The following ADD1 variants were observed in gnomAD, a reference collection of about 807,000 sequenced individuals.
ADD1 encodes the protein alpha-adducin.
In ADD1, 24 loss-of-function variants were observed where a neutral mutation model predicts 80.5. That is an observed-to-expected ratio of 0.30 (90% CI 0.22 to 0.42). The LOEUF (loss-of-function observed/expected upper bound fraction) is 0.42. Among genes scored for constraint, ADD1 ranks in the 10% least tolerant of loss-of-function variants. ADD1 has a pLI of 1.00. For missense variants in ADD1, 948 were observed against 1,019.0 expected, an observed-to-expected ratio of 0.93 and a Z score of 0.95; for synonymous variants, 373 against 393.8, an observed-to-expected ratio of 0.95 and a Z score of 0.63.
chr4:2,922,878 T>C (rs1353452593), intron 14 of ADD1, among the ~76,000 whole-genome samples: 3 of 152,244 alleles, frequency 2.0e-5, no homozygotes, highest in Admixed American at 2.0e-4. Flanking sequence ...TACAGTGGCT[T>C]TGCATAGCTG....
At chr4:2,880,704 T>C (rs1732166920) in intron 2 of ADD1, among the ~76,000 whole-genome samples, 1 of 151,988 alleles carries the variant, frequency 6.6e-6, no homozygotes, top group African/African-American at 2.4e-5. Context: ...CTCGATCTCC[T>C]GACCTCGTGA....
Position 2,898,340 on chromosome 4 carries a change from C to T in ADD1, c.885+13C>T, listed in dbSNP as rs145444405. 3.0e-5 allele frequency: 49 copies of T among 1,614,190 alleles called. No homozygotes were observed. The Admixed American group carries it at 8.0e-4, about 26-fold the overall frequency. ...GCCTAAAAGCAAGGTCAGTAGGCATCTAATCTGGTATTTAAATTACAGCAG... is the reference window on the plus strand; with the variant it reads ...GCCTAAAAGCAAGGTCAGTAGGCATTTAATCTGGTATTTAAATTACAGCAG... On this transcript the variant is annotated intron_variant, in intron 7 of 15. Coordinates refer to ENST00000683351, the MANE Select transcript of ADD1 (RefSeq NM_001354761.2).
intron 13 of ADD1, 141 bp downstream of exon 13, chr4:2,909,572 A>G (rs1285891247): frequency 1.6e-6 from 1 of 639,280 alleles, no homozygotes; most frequent in Admixed American, 2.7e-5. Context: ...GAGATTGTAC[A>G]GAAGGTTCTG....
chr4:2,881,568 A>G (rs1732344877), intron 2 of ADD1: 4 of 195,512 alleles, frequency 2.0e-5, no homozygotes, highest in South Asian at 2.9e-4. Context: ...TCCTCTGTTG[A>G]TTGAAACGTA....
intron 1 of ADD1, among the ~76,000 whole-genome samples, chr4:2,849,745 C>T (rs765828964): frequency 3.3e-5 from 5 of 152,168 alleles, no homozygotes; most frequent in African/African-American, 9.7e-5. Context: ...TGCACACTGT[C>T]GCTTGAAATT....
At position 2,929,805 on chromosome 4, in the gene ADD1, C is replaced by T. The variant is rs576074733; in HGVS notation, c.*1282C>T. 8 of 152,672 alleles carry T rather than the reference C, an allele frequency of 5.2e-5. No homozygotes were observed. The highest frequency in any genetic ancestry group is 4.4e-5 in the Non-Finnish European group (3 of 68,056). 9.5% of individuals were successfully genotyped at this position (152,672 alleles called of 1,614,324 possible). A position where few individuals can be genotyped will look rare whatever the true frequency, so the allele number is the denominator to read the frequency against. On this transcript the variant is annotated 3_prime_UTR_variant, in exon 16 of 16. Coordinates refer to ENST00000683351, the MANE Select transcript of ADD1 (RefSeq NM_001354761.2). ...CCTCTGAGCCGCAGGGCCTGCTACG[C>T]GGGCAAGCGTGCTGCCTCTCTTCTG... is the stretch of plus-strand genomic sequence containing the variant.
intron 1 of ADD1, among the ~76,000 whole-genome samples, chr4:2,848,082 G>T (rs917090675): frequency 6.6e-6 from 1 of 152,080 alleles, no homozygotes; most frequent in Non-Finnish European, 1.5e-5. Flanking sequence ...AGGCTTGGTG[G>T]TGGATGCCTG....
chr4:2,881,874 CA>C (rs1205800690), intron 2 of ADD1, 23 bp from the exon 3 acceptor site: 1 of 1,577,316 alleles, frequency 6.3e-7, no homozygotes, highest in African/African-American at 1.4e-5. Context: ...AATGGTATCT[CA>C]GTGTTTTAAT....
At chr4:2,849,004 T>G (rs1318429524) in intron 1 of ADD1, among the ~76,000 whole-genome samples, 1 of 152,238 alleles carries the variant, frequency 6.6e-6, no homozygotes, top group African/African-American at 2.4e-5. Context: ...TATAGATACA[T>G]TCTCAGAAGT....
At chr4:2,853,903 C>T (rs979043621) in intron 1 of ADD1, among the ~76,000 whole-genome samples, 2 of 152,100 alleles carry the variant, frequency 1.3e-5, no homozygotes, top group African/African-American at 2.4e-5. Flanking sequence ...CGCGTCTGGC[C>T]GTTATTATGT....
intron 1 of ADD1, among the ~76,000 whole-genome samples, chr4:2,868,546 G>T (rs1271385936): frequency 6.6e-6 from 1 of 152,146 alleles, no homozygotes; most frequent in Non-Finnish European, 1.5e-5. Context: ...AGACCTCTTG[G>T]AGCCCTTTGT....
In ADD1 at chr4:2,929,621, C is replaced by A. The variant is rs1283391562; in HGVS notation, c.*1098C>A. 1 of 152,302 alleles carries A rather than the reference C, an allele frequency of 6.6e-6. No homozygotes were observed. The highest frequency in any genetic ancestry group is 2.4e-5 in the African/African-American group (1 of 41,472). 9.4% of individuals were successfully genotyped at this position (152,302 alleles called of 1,614,324 possible). A position where few individuals can be genotyped will look rare whatever the true frequency, so the allele number is the denominator to read the frequency against. On this transcript the variant is annotated 3_prime_UTR_variant, in exon 16 of 16. Coordinates refer to ENST00000683351, the MANE Select transcript of ADD1 (RefSeq NM_001354761.2). Reference sequence around the variant, plus strand: ...GTGCCGGTACCAGCCTGACTAGGTACAGGCAAGCTTGTGTGGGCCCAACAG... The same window carrying A: ...GTGCCGGTACCAGCCTGACTAGGTAAAGGCAAGCTTGTGTGGGCCCAACAG...
Position 2,860,236 on chromosome 4 carries a change from A to G in ADD1, c.-20-15660A>G, listed in dbSNP as rs16843487. ...TGTTTGTGTGAGCTTTAGTCTCCAA[A>G]TCGAGTCATCTAGAGGCAGACATAC... is the stretch of plus-strand genomic sequence containing the variant. On this transcript the variant is annotated intron_variant, in intron 1 of 15. Coordinates refer to ENST00000683351, the MANE Select transcript of ADD1 (RefSeq NM_001354761.2). 4.9e-3 allele frequency among the ~76,000 whole-genome samples: 741 copies of G among 152,294 alleles called. 20 individuals are homozygous for G. Among genetic ancestry groups the G allele is most frequent in the East Asian group, 0.047 (245 of 5,186 alleles).
chr4:2,853,398 G>C (rs993911085), intron 1 of ADD1, among the ~76,000 whole-genome samples: 1 of 151,388 alleles, frequency 6.6e-6, no homozygotes, highest in Admixed American at 6.6e-5. Flanking sequence ...TGAGCCACCG[G>C]CGTCTTTTTC....
At chr4:2,914,290 T>G (rs547549885) in intron 13 of ADD1, among the ~76,000 whole-genome samples, 1 of 152,224 alleles carries the variant, frequency 6.6e-6, no homozygotes, top group African/African-American at 2.4e-5. Context: ...CTTTTTTTCT[T>G]TGGTACAAAT....
chr4:2,898,593 ATTT>A, intron 8 of ADD1, 62 bp downstream of exon 8: 6 of 1,441,116 alleles, frequency 4.2e-6, no homozygotes, highest in Non-Finnish European at 5.9e-6. Context: ...GTTCACATAG[ATTT>A]TTTTTTGATA....
intron 1 of ADD1, among the ~76,000 whole-genome samples, chr4:2,852,189 T>TCTTTCTTTCTTTCTTTCTTTCTTTC (rs1553815101): frequency 3.9e-5 from 2 of 50,754 alleles, no homozygotes; most frequent in South Asian, 9.5e-4. Context: ...TTTCTTTCTT[T>TCTTTCTTTCTTTCTTTCTTTCTTTC]CTTTCTTTCC....
At chr4:2,927,020 TG>T (rs1424183651) in intron 15 of ADD1, among the ~76,000 whole-genome samples, 1 of 152,108 alleles carries the variant, frequency 6.6e-6, no homozygotes, top group Non-Finnish European at 1.5e-5. Context: ...TCAGACAGGG[TG>T]GGGTTCTGCC....
chr4:2,881,734 A>G, intron 2 of ADD1, 164 bp from the exon 3 acceptor site: 1 of 464,412 alleles, frequency 2.2e-6, no homozygotes, highest in Non-Finnish European at 3.8e-6. Context: ...TTTCTAGAAA[A>G]GAATGTACCA....
Sources: allele counts gnomAD v4.1 joint callset (sites outside exome capture counted in the v4.1 genomes callset), GRCh38; gene constraint gnomAD v4.1.1; transcripts MANE v1.5; gene names NCBI Gene and HGNC (gene_info 2026-07-23, HGNC 2026-07-21).